The following YWHAE variants were observed in gnomAD, a reference collection of about 807,000 sequenced individuals.
YWHAE encodes tyrosine 3-monooxygenase/tryptophan 5-monooxygenase activation protein epsilon.
A neutral mutation model predicts 30.1 loss-of-function variants in YWHAE; 4 were observed. That is an observed-to-expected ratio of 0.13 (90% CI 0.07 to 0.30). The LOEUF (loss-of-function observed/expected upper bound fraction) is 0.30, where lower values mean the gene tolerates loss of function less well. Among genes scored for constraint, YWHAE ranks in the 10% least tolerant of loss-of-function variants. The pLI, the probability that YWHAE is intolerant of heterozygous loss-of-function variation, is 1.00. For synonymous variants in YWHAE, 118 were observed against 111.8 expected (o/e 1.06, Z -0.35); for missense variants, 121 against 315.9 (o/e 0.38, Z 4.68).
At chr17:1,347,993 G>C (rs1356564858) in intron 5 of YWHAE, 1 of 1,011,422 alleles carries the variant, frequency 9.9e-7, no homozygotes, top group East Asian at 7.0e-5. Context: ...GAAGAGTTGG[G>C]TTTTCCTTTA....
chr17:1,354,864 G>A (rs1177473458), intron 4 of YWHAE, among the ~76,000 whole-genome samples: 6 of 149,668 alleles, frequency 4.0e-5, no homozygotes, highest in Non-Finnish European at 8.9e-5. Context: ...GGGTTTCACC[G>A]TGTTAGCCAG....
At chr17:1,398,385 T>C (rs2073508417) in intron 1 of YWHAE, among the ~76,000 whole-genome samples, 1 of 148,216 alleles carries the variant, frequency 6.7e-6, no homozygotes, top group Admixed American at 6.8e-5. Flanking sequence ...TTTAAGAATT[T>C]ACAAGACGAA....
chr17:1,377,346 A>T (rs1233125759), intron 1 of YWHAE, among the ~76,000 whole-genome samples: 1 of 152,220 alleles, frequency 6.6e-6, no homozygotes, highest in East Asian at 1.9e-4. Context: ...CACTTCAATG[A>T]CTTTGCAACC....
In YWHAE at chr17:1,361,317, T is replaced by TAA. The variant is rs55734488; in HGVS notation, c.372-21_372-20dup. 2.4e-3 allele frequency: 3,266 copies of TAA among 1,356,472 alleles called. No individual in the cohort carries two copies. The highest frequency in any genetic ancestry group is 2.9e-3 in the Non-Finnish European group (2,895 of 1,004,950). The allele number at this position is 1,356,472 out of a possible 1,614,324, so 84.0% of individuals were successfully genotyped here. ...CCCTTTCCTAAAACAAAACCAAAAT[T>TAA]AAAAAAAAAAAAAAAATTTAAACTA... On this transcript the variant is annotated intron_variant, in intron 3 of 5. Transcript: ENST00000264335.
chr17:1,381,492 G>A (rs888243713), intron 1 of YWHAE, among the ~76,000 whole-genome samples: 2 of 151,942 alleles, frequency 1.3e-5, no homozygotes, highest in African/African-American at 4.8e-5. Flanking sequence ...ATGGGCAACA[G>A]GACAAGACTC....
At chr17:1,382,032 C>T (rs1156272164) in intron 1 of YWHAE, among the ~76,000 whole-genome samples, 9 of 150,844 alleles carry the variant, frequency 6.0e-5, no homozygotes, top group African/African-American at 9.8e-5. Flanking sequence ...AAGTTACTTG[C>T]GGCATAAGTA....
At chr17:1,378,762 A>G (rs2073161858) in intron 1 of YWHAE, among the ~76,000 whole-genome samples, 1 of 152,180 alleles carries the variant, frequency 6.6e-6, no homozygotes, top group South Asian at 2.1e-4. Context: ...CTTGGCCAAC[A>G]TGGTGAAATC....
At chr17:1,396,719 G>A (rs930958296) in intron 1 of YWHAE, among the ~76,000 whole-genome samples, 2 of 152,074 alleles carry the variant, frequency 1.3e-5, no homozygotes, top group Admixed American at 1.3e-4. Flanking sequence ...TCGGCCTCCC[G>A]GGTTCAAGTG....
rs144525913 is a variant in YWHAE, at chr17:1,392,073, TTCTGTAGCCC to T, written c.64+7964_64+7973del. ...AAATTAGCCAGAAGTGGTGGTATAC[TTCTGTAGCCC>T]CAGCTACTTGGCATGCTGAGGTGCC... On this transcript the variant is annotated intron_variant, in intron 1 of 5. Coordinates refer to ENST00000264335, the MANE Select transcript of YWHAE (RefSeq NM_006761.5). 6.4e-3 allele frequency among the ~76,000 whole-genome samples: 969 copies of T among 152,210 alleles called. 11 individuals are homozygous for T. Among genetic ancestry groups the T allele is most frequent in the African/African-American group, 0.015 (636 of 41,532 alleles).
rs1567983274 is a variant in YWHAE at position 1,388,113 on chromosome 17, GGTTGGTTTTTTTTTTTT to G, written c.64+11917_64+11933del. Among the ~76,000 whole-genome samples the G allele has an allele frequency of 8.5e-4, 30 of 35,136 alleles. 2 individuals carry two copies. The highest frequency in any genetic ancestry group is 3.8e-3 in the African/African-American group (28 of 7,376). 23.1% of individuals were successfully genotyped at this position (35,136 alleles called of 152,430 possible). A position where few individuals can be genotyped will look rare whatever the true frequency, so the allele number is the denominator to read the frequency against. ...CTGGGTAATTTTTGTTTTTTTTTTT[GGTTGGTTTTTTTTTTTT>G]TTTTTTTTTTTTAGTAGAGACGAGG... On this transcript the variant is annotated intron_variant, in intron 1 of 5. Coordinates refer to ENST00000264335, the MANE Select transcript of YWHAE (RefSeq NM_006761.5).
chr17:1,364,177 G>GA lies in YWHAE; in HGVS notation c.264+681dup, dbSNP rs989262706. Among the ~76,000 whole-genome samples, 6 of 147,008 alleles carry GA rather than the reference G, an allele frequency of 4.1e-5. No homozygotes were observed. In the East Asian group the frequency reaches 5.9e-4, roughly 14 times the overall value. Reference sequence around the variant, plus strand: ...ATAACTTCATTAAATAATCCTCAGGGAAAAAAAAAGAGGAATCAGACAAAT... The same window carrying GA: ...ATAACTTCATTAAATAATCCTCAGGGAAAAAAAAAAGAGGAATCAGACAAAT... On this transcript the variant is annotated intron_variant, in intron 2 of 5. Coordinates refer to ENST00000264335, the MANE Select transcript of YWHAE (RefSeq NM_006761.5).
At chr17:1,349,513 T>C (rs981436810) in intron 5 of YWHAE, among the ~76,000 whole-genome samples, 1 of 152,180 alleles carries the variant, frequency 6.6e-6, no homozygotes, top group Admixed American at 6.6e-5. Flanking sequence ...AAATAAAAAG[T>C]ATTTCACCTA....
At chr17:1,386,953 CAAAA>C (rs2073309630) in intron 1 of YWHAE, among the ~76,000 whole-genome samples, 1 of 89,738 alleles carries the variant, frequency 1.1e-5, no homozygotes, top group Non-Finnish European at 1.9e-5. Context: ...GACTCCGTCT[CAAAA>C]GGAAAAAAAA....
intron 3 of YWHAE, chr17:1,361,672 G>A (rs1020419783): frequency 5.6e-5 from 26 of 467,720 alleles, no homozygotes; most frequent in Middle Eastern, 5.7e-4. Context: ...AATGTATGCC[G>A]TTTGGGGGAG....
At chr17:1,399,890 T>C (rs2073541162) in intron 1 of YWHAE, 157 bp downstream of exon 1, 3 of 847,096 alleles carry the variant, frequency 3.5e-6, no homozygotes, top group Non-Finnish European at 3.9e-6. Flanking sequence ...GAGCCTCCCA[T>C]CGCCCCGGGA....
chr17:1,387,397 A>G (rs1238258973), intron 1 of YWHAE, among the ~76,000 whole-genome samples: 1 of 152,238 alleles, frequency 6.6e-6, no homozygotes, highest in Non-Finnish European at 1.5e-5. Context: ...TACAGGAAAA[A>G]CAGGTAGATC....
chr17:1,355,503 A>T (rs747009111), intron 4 of YWHAE, among the ~76,000 whole-genome samples: 1 of 151,990 alleles, frequency 6.6e-6, no homozygotes, highest in South Asian at 2.1e-4. Flanking sequence ...AGTTTAAAAA[A>T]ATTTAATTTC....
intron 5 of YWHAE, among the ~76,000 whole-genome samples, chr17:1,351,356 T>C (rs527467852): frequency 6.7e-6 from 1 of 149,164 alleles, no homozygotes; most frequent in Admixed American, 6.7e-5. Flanking sequence ...CCAGCCTGGG[T>C]AACAAGAGCA....
chr17:1,392,687 T>G (rs1177019796), intron 1 of YWHAE, among the ~76,000 whole-genome samples: 2 of 151,734 alleles, frequency 1.3e-5, no homozygotes, highest in South Asian at 2.1e-4. Context: ...CTGTCTCTAC[T>G]AAAAATACAA....
Sources: allele counts gnomAD v4.1 joint callset (sites outside exome capture counted in the v4.1 genomes callset), GRCh38; gene constraint gnomAD v4.1.1; transcripts MANE v1.5; gene names NCBI Gene and HGNC (gene_info 2026-07-23, HGNC 2026-07-21).